BCL9: variants seen among roughly 807,000 people sequenced by gnomAD.
The protein encoded by BCL9 is BCL9 transcription coactivator, also known as B-cell CLL/lymphoma 9 protein.
BCL9 carries 25 observed loss-of-function variants against 88.5 expected under a neutral mutation model. The observed-to-expected ratio is 0.28, with a 90% confidence interval of 0.21 to 0.39. The LOEUF (loss-of-function observed/expected upper bound fraction) is 0.39. Ranked by LOEUF, BCL9 falls within the 10% of genes least tolerant of loss-of-function variation. The pLI is 1.00. For synonymous variants in BCL9, 711 were observed against 673.3 expected (o/e 1.06, Z -0.87); for missense variants, 1,817 against 1,877.8 (o/e 0.97, Z 0.60).
intron 5 of BCL9, among the ~76,000 whole-genome samples, chr1:147,613,468 C>G (rs369515465): frequency 2.0e-5 from 3 of 152,162 alleles, no homozygotes; most frequent in African/African-American, 7.2e-5. Flanking sequence ...AGGCCTATCC[C>G]TGTTCGTACA....
rs756050765 is a variant in BCL9, at chr1:147,563,875, C to T, written c.-478+22201C>T. Among the ~76,000 whole-genome samples, 147 of 152,212 alleles carry T rather than the reference C, an allele frequency of 9.7e-4. 2 individuals carry two copies. The highest frequency in any genetic ancestry group is 1.4e-3 in the Non-Finnish European group (92 of 68,036). On this transcript the variant is annotated intron_variant, in intron 1 of 9. Transcript: ENST00000234739. ...TATCTCATTTAATCCACTTCATAAT[C>T]CTGAAAACAGGTAAAATGATTCTCC...
At chr1:147,550,524 G>A (rs1654842752) in intron 1 of BCL9, among the ~76,000 whole-genome samples, 1 of 152,164 alleles carries the variant, frequency 6.6e-6, no homozygotes, top group Non-Finnish European at 1.5e-5. Context: ...GTCATTTCAT[G>A]TATTTATCAA....
chr1:147,624,634 C>T lies in BCL9; in HGVS notation c.3956C>T (p.Pro1319Leu). The T allele has an allele frequency of 1.2e-6, 2 of 1,614,216 alleles. No homozygotes were observed. The highest frequency in any genetic ancestry group is 1.1e-5 in the South Asian group (1 of 91,080). Residue 1319 changes from proline (P) to leucine (L), a missense_variant, in exon 10 of 10, where the codon CCA becomes CTA. Physicochemically the swap from Pro to Leu is moderately conservative, Grantham distance 98. Transcript: ENST00000234739. This position sits in a 1 kb window ranked among gnomAD's most constrained non-coding sequence, Gnocchi z 4.4. ...SMPGHNPMRPPAFLQQGMMGP... is the reference protein window; with the variant it reads ...SMPGHNPMRPLAFLQQGMMGP... ...CCAGGCCACAACCCCATGAGACCAC[C>T]AGCCTTTCTCCAACAAGGCATGATG...
At chr1:147,548,274 G>A (rs1654707692) in intron 1 of BCL9, among the ~76,000 whole-genome samples, 1 of 152,174 alleles carries the variant, frequency 6.6e-6, no homozygotes, top group African/African-American at 2.4e-5. Flanking sequence ...AGGATGCTTG[G>A]ATTGGTGGTT....
chr1:147,590,344 T>C (rs1443971715), intron 1 of BCL9, among the ~76,000 whole-genome samples: 1 of 152,228 alleles, frequency 6.6e-6, no homozygotes, highest in Non-Finnish European at 1.5e-5. Context: ...GCTGCTACAA[T>C]CTTCTTCAGC....
chr1:147,561,529 C>A (rs77896977), intron 1 of BCL9, among the ~76,000 whole-genome samples: 1,877 of 152,290 alleles, frequency 0.012, 44 homozygotes, highest in African/African-American at 0.043. Context: ...CTAAAATCAT[C>A]TTATTGCGTG....
chr1:147,567,107 G>A (rs1655639864), intron 1 of BCL9, among the ~76,000 whole-genome samples: 1 of 152,158 alleles, frequency 6.6e-6, no homozygotes, highest in Non-Finnish European at 1.5e-5. Flanking sequence ...TTTACTTAGT[G>A]AAATGATTAT....
chr1:147,548,822 G>C (rs1290654430), intron 1 of BCL9, among the ~76,000 whole-genome samples: 4 of 151,970 alleles, frequency 2.6e-5, no homozygotes, highest in Non-Finnish European at 4.4e-5. Flanking sequence ...AATACAAAAA[G>C]AATTGACAAG....
chr1:147,554,597 G>A (rs1655024511), intron 1 of BCL9, among the ~76,000 whole-genome samples: 1 of 152,152 alleles, frequency 6.6e-6, no homozygotes. Flanking sequence ...ACAGCTCAGG[G>A]TTTGTGAAGT....
chr1:147,605,570 A>AAGGTGACAG (rs1657654747), intron 2 of BCL9, among the ~76,000 whole-genome samples: 1 of 152,250 alleles, frequency 6.6e-6, no homozygotes, highest in Non-Finnish European at 1.5e-5. Flanking sequence ...TAGCTATTAA[A>AAGGTGACAG]AGGTGACAGA....
intron 7 of BCL9, among the ~76,000 whole-genome samples, chr1:147,617,929 C>G (rs938340457): frequency 1.1e-4 from 16 of 152,202 alleles, no homozygotes. Context: ...ACACATCTCT[C>G]TTCCAAACAT....
At chr1:147,607,104 T>TGGC (rs1553202092) in intron 3 of BCL9, among the ~76,000 whole-genome samples, 4 of 152,230 alleles carry the variant, frequency 2.6e-5, no homozygotes, top group Admixed American at 2.6e-4. Flanking sequence ...TTTCTGTGCC[T>TGGC]GGCTCATTTC....
chr1:147,619,797 G>T lies in BCL9; in HGVS notation c.1642G>T (p.Gly548Cys), dbSNP rs1352515504. The T allele has an allele frequency of 1.2e-6, 2 of 1,613,990 alleles. No homozygotes were observed. Among genetic ancestry groups the T allele is most frequent in the Non-Finnish European group, 1.7e-6 (2 of 1,180,016 alleles). Reference protein sequence around the residue: ...INMPHSLPPRGMAPHPNMPGS... With the variant: ...INMPHSLPPRCMAPHPNMPGS... ...CATGCCACATTCTCTGCCCCCGAGG[G>T]GCATGGCTCCCCACCCCAACATGCC... The change falls in exon 8 of 10, where the codon GGC becomes TGC. Residue 548 changes from glycine to cysteine, a missense_variant. By Grantham distance (159) the Gly-to-Cys change is radical (BLOSUM62 -3). Transcript: ENST00000234739. This position sits in a 1 kb window ranked among gnomAD's most constrained non-coding sequence, Gnocchi z 4.1.
intron 8 of BCL9, among the ~76,000 whole-genome samples, chr1:147,622,062 G>C (rs1658676014): frequency 6.6e-6 from 1 of 152,088 alleles, no homozygotes; most frequent in Non-Finnish European, 1.5e-5. Flanking sequence ...CTGCTGATCG[G>C]TCATGTCACC....
chr1:147,596,660 G>T (rs587643983), intron 1 of BCL9, among the ~76,000 whole-genome samples: 13 of 152,116 alleles, frequency 8.5e-5, no homozygotes, highest in Admixed American at 2.0e-4. Context: ...TGATCCGCCC[G>T]CCTCGGCCTC....
intron 1 of BCL9, among the ~76,000 whole-genome samples, chr1:147,576,724 A>G (rs1656127766): frequency 6.6e-6 from 1 of 152,174 alleles, no homozygotes. Context: ...AAAGAAGCCA[A>G]GCTGATAGGT....
chr1:147,608,147 T>G lies in BCL9; in HGVS notation c.-260+1281T>G, dbSNP rs145357616. Among the ~76,000 whole-genome samples the G allele has an allele frequency of 7.2e-5, 11 of 152,204 alleles. No individual in the cohort carries two copies. The East Asian group carries it at 1.9e-3, about 27-fold the overall frequency. ...ATCTAAGAGATGGAGTAAGATGAGA[T>G]TAGCAAAGTGGCCAGTGGTGACCTT... On this transcript the variant is annotated intron_variant, in intron 3 of 9. Transcript: ENST00000234739.
rs781859882 is a variant in BCL9, at chr1:147,624,736, C to T, written c.4058C>T (p.Ala1353Val). 1 of 1,614,178 alleles carries T rather than the reference C, an allele frequency of 6.2e-7. No homozygotes were observed. Among genetic ancestry groups the T allele is most frequent in the Non-Finnish European group, 8.5e-7 (1 of 1,180,024 alleles). Reference protein sequence around the residue: ...GQPTLMSNPAAAVGMIPGKDR... With the variant: ...GQPTLMSNPAVAVGMIPGKDR... Reference sequence around the variant, plus strand: ...CCCACCCTGATGAGCAATCCAGCTGCTGCCGTGGGCATGATTCCTGGCAAG... The same window carrying T: ...CCCACCCTGATGAGCAATCCAGCTGTTGCCGTGGGCATGATTCCTGGCAAG... Residue 1353 changes from alanine (A) to valine (V), a missense_variant, in exon 10 of 10, where the codon GCT (alanine) becomes GTT (valine). By Grantham distance (64) the Ala-to-Val change is moderately conservative. Around this residue, in one of 2 missense-constraint regions of BCL9, gnomAD observed 589 missense variants for 686.2 expected, o/e 0.86. Transcript: ENST00000234739. This position sits in a 1 kb window ranked among gnomAD's most constrained non-coding sequence, Gnocchi z 4.4.
At chr1:147,603,122 G>C (rs1159645595) in intron 1 of BCL9, among the ~76,000 whole-genome samples, 1 of 152,222 alleles carries the variant, frequency 6.6e-6, no homozygotes, top group Admixed American at 6.5e-5. Flanking sequence ...TAAAACTACA[G>C]TCTTACTAAC....
Sources: allele counts gnomAD v4.1 joint callset (sites outside exome capture counted in the v4.1 genomes callset), GRCh38; gene constraint gnomAD v4.1.1; regional missense constraint gnomAD v4.1.1; non-coding constraint Gnocchi (gnomAD v3.1); transcripts MANE v1.5; gene names NCBI Gene and HGNC (gene_info 2026-07-23, HGNC 2026-07-21).